PLCXD3: variants seen among roughly 807,000 people sequenced by gnomAD.
The protein encoded by PLCXD3 is phosphatidylinositol specific phospholipase C X domain containing 3, also known as PI-PLC X domain-containing protein 3.
PLCXD3 carries 19 observed loss-of-function variants against 25.5 expected under a neutral mutation model. The observed-to-expected ratio is 0.75, with a 90% CI of 0.52 to 1.09. PLCXD3 has a LOEUF of 1.09. Among genes scored for constraint, PLCXD3 ranks in the 50% least tolerant of loss-of-function variants. PLCXD3 has a pLI of 0.00. For synonymous variants in PLCXD3, 174 were observed against 137.6 expected (o/e 1.26, Z -1.85); for missense variants, 411 against 388.1 (o/e 1.06, Z -0.50).
At chr5:41,505,629 C>T (rs4346812) in intron 1 of PLCXD3, among the ~76,000 whole-genome samples, 24,959 of 152,196 alleles carry the variant, frequency 0.16, 2,312 homozygotes, top group Middle Eastern at 0.22. Context: ...CCTAAACTGG[C>T]ATTAGAGATC....
intron 2 of PLCXD3, among the ~76,000 whole-genome samples, chr5:41,379,751 T>A (rs1745399645): frequency 6.6e-6 from 1 of 151,976 alleles, no homozygotes. Flanking sequence ...TAAAAAACAT[T>A]GTGGAAATGA....
intron 2 of PLCXD3, among the ~76,000 whole-genome samples, chr5:41,373,865 T>A (rs1054106345): frequency 3.3e-5 from 5 of 151,834 alleles, no homozygotes; most frequent in African/African-American, 1.2e-4. Context: ...TCACCAAAGG[T>A]GAGAAATTGT....
At chr5:41,359,974 T>C (rs1157816985) in intron 2 of PLCXD3, among the ~76,000 whole-genome samples, 1 of 152,210 alleles carries the variant, frequency 6.6e-6, no homozygotes, top group Non-Finnish European at 1.5e-5. Context: ...ATACCAATTA[T>C]TCTTAGGTTT....
Position 41,308,454 on chromosome 5 carries a change from T to C in PLCXD3, c.*5163A>G, listed in dbSNP as rs973458386. ...GAAAGGAAATAAGAAAGTTAATTAA[T>C]ATTCTGTAATCAGATCCAAGCCCAA... is the stretch of plus-strand genomic sequence containing the variant. On this transcript the variant is annotated 3_prime_UTR_variant, in exon 3 of 3. Transcript: ENST00000377801. 2.6e-5 allele frequency: 4 copies of C among 152,164 alleles called. No individual in the cohort carries two copies. Among genetic ancestry groups the C allele is most frequent in the African/African-American group, 9.6e-5 (4 of 41,454 alleles). The allele number at this position is 152,164 out of a possible 1,614,324, so 9.4% of individuals were successfully genotyped here.
chr5:41,401,592 G>T (rs1468196696), intron 1 of PLCXD3, among the ~76,000 whole-genome samples: 1 of 151,900 alleles, frequency 6.6e-6, no homozygotes. Flanking sequence ...ATTATGATAG[G>T]CAGCCTTTCA....
chr5:41,405,593 C>A (rs956389896), intron 1 of PLCXD3, among the ~76,000 whole-genome samples: 9 of 152,190 alleles, frequency 5.9e-5, no homozygotes, highest in African/African-American at 9.6e-5. Context: ...GAAAAAAGAA[C>A]CTATGCCTTA....
At chr5:41,498,405 A>C (rs1748886048) in intron 1 of PLCXD3, among the ~76,000 whole-genome samples, 1 of 151,684 alleles carries the variant, frequency 6.6e-6, no homozygotes, top group African/African-American at 2.4e-5. Context: ...TACCAAAAAA[A>C]TGGGATAAAC....
At chr5:41,358,600 C>T (rs1744685650) in intron 2 of PLCXD3, among the ~76,000 whole-genome samples, 1 of 152,168 alleles carries the variant, frequency 6.6e-6, no homozygotes, top group African/African-American at 2.4e-5. Flanking sequence ...TAATAATTTC[C>T]AATTCCATCC....
At chr5:41,477,773 C>T (rs1283808884) in intron 1 of PLCXD3, among the ~76,000 whole-genome samples, 1 of 152,176 alleles carries the variant, frequency 6.6e-6, no homozygotes, top group African/African-American at 2.4e-5. Flanking sequence ...CCCGACTATA[C>T]CCTGCTTTCA....
At chr5:41,378,936 ATTC>A (rs770434541) in intron 2 of PLCXD3, among the ~76,000 whole-genome samples, 1 of 152,060 alleles carries the variant, frequency 6.6e-6, no homozygotes, top group Non-Finnish European at 1.5e-5. Flanking sequence ...CCTTGAGTAA[ATTC>A]TTCTTCTTGG....
intron 1 of PLCXD3, among the ~76,000 whole-genome samples, chr5:41,494,907 T>G (rs1268286721): frequency 2.0e-5 from 3 of 152,076 alleles, no homozygotes; most frequent in African/African-American, 7.2e-5. Flanking sequence ...TACGGAAGCA[T>G]GTAGTGAAGG....
In PLCXD3 at chr5:41,348,732, G is replaced by A. The variant is rs1031569949; in HGVS notation, c.812+33094C>T. ...ATATGTTTGGTGCTTGGCAGCCTCC[G>A]TAATGCAGACTTATTAAGTACAGAG... On this transcript the variant is annotated intron_variant, in intron 2 of 2. Coordinates refer to ENST00000377801, the MANE Select transcript of PLCXD3 (RefSeq NM_001005473.3). Among the ~76,000 whole-genome samples the A allele has an allele frequency of 3.3e-5, 5 of 152,032 alleles. No individual in the cohort carries two copies. The East Asian group carries it at 7.7e-4, about 23-fold the overall frequency.
intron 2 of PLCXD3, among the ~76,000 whole-genome samples, chr5:41,323,357 A>T (rs1743532894): frequency 6.6e-6 from 1 of 152,224 alleles, no homozygotes; most frequent in Non-Finnish European, 1.5e-5. Flanking sequence ...AAAATAACTT[A>T]AAAAGTGTAA....
rs745323910 is a variant in PLCXD3 at position 41,381,860 on chromosome 5, C to A, written c.778G>T (p.Val260Leu). The A allele has an allele frequency of 6.2e-7, 1 of 1,611,174 alleles. No individual in the cohort carries two copies. Among genetic ancestry groups the A allele is most frequent in the Admixed American group, 1.7e-5 (1 of 59,640 alleles). The change falls in exon 2 of 3, where the codon GTG (valine) becomes TTG (leucine). Residue 260 changes from valine (V) to leucine (L), a missense_variant. Physicochemically the swap from Val to Leu is conservative, Grantham distance 32. Transcript: ENST00000377801. The stretch of plus-strand genomic sequence containing the variant: ...ATTGTTTCTCTGAGGCCACTTGCCA[C>A]CCCTTTGACCACAGTGCTAGCTTTG... ...TPKASTVVKG[V>L]ASGLRETITE...
intron 2 of PLCXD3, among the ~76,000 whole-genome samples, chr5:41,339,751 A>G (rs1174403000): frequency 6.6e-6 from 1 of 152,174 alleles, no homozygotes; most frequent in Admixed American, 6.6e-5. Context: ...ATCCTAAAAG[A>G]ACCCTTGCTA....
intron 1 of PLCXD3, among the ~76,000 whole-genome samples, chr5:41,493,110 G>C (rs201129282): frequency 1.5e-4 from 23 of 152,076 alleles, no homozygotes; most frequent in Non-Finnish European, 3.1e-4. Flanking sequence ...TGGGTTTTTG[G>C]TGTGGATGTC....
chr5:41,403,280 CTTT>C (rs538471301), intron 1 of PLCXD3, among the ~76,000 whole-genome samples: 1 of 137,440 alleles, frequency 7.3e-6, no homozygotes, highest in Non-Finnish European at 1.6e-5. Context: ...AAGAGGAACT[CTTT>C]TTTTTTTTTT....
chr5:41,448,212 C>G (rs1207571072), intron 1 of PLCXD3, among the ~76,000 whole-genome samples: 1 of 152,200 alleles, frequency 6.6e-6, no homozygotes. Context: ...CCCCACCTCT[C>G]CCATCATTCC....
chr5:41,392,579 CA>C (rs1426324283), intron 1 of PLCXD3, among the ~76,000 whole-genome samples: 6 of 152,076 alleles, frequency 3.9e-5, no homozygotes, highest in Admixed American at 3.3e-4. Context: ...AAAACCTTCC[CA>C]AAAAAGATAG....
Sources: gnomAD v4.1 joint callset for allele counts (sites outside exome capture counted in the v4.1 genomes callset) on GRCh38, gnomAD v4.1.1 for gene constraint, MANE v1.5 for transcripts, NCBI Gene and HGNC (gene_info 2026-07-23, HGNC 2026-07-21) for gene names.